Variants in DYSF observed in about 807,000 individuals in gnomAD.
The protein encoded by DYSF is dystrophy-associated fer-1-like 1.
A neutral mutation model predicts 274.9 loss-of-function variants in DYSF; 212 were observed. The observed-to-expected ratio is 0.77, with a 90% CI of 0.69 to 0.86. The LOEUF (loss-of-function observed/expected upper bound fraction) is 0.86. Ranked by LOEUF, DYSF falls within the 40% of genes least tolerant of loss-of-function variation. DYSF has a pLI of 0.00. For missense variants in DYSF, 2,666 were observed against 2,783.2 expected, an observed-to-expected ratio of 0.96 and a Z score of 0.95; for synonymous variants, 1,091 against 1,078.7, an observed-to-expected ratio of 1.01 and a Z score of -0.22.
At chr2:71,605,273 G>A (rs1009185936) in intron 36 of DYSF, among the ~76,000 whole-genome samples, 3 of 152,174 alleles carry the variant, frequency 2.0e-5, no homozygotes, top group African/African-American at 7.2e-5. Flanking sequence ...CTTTTTGTCT[G>A]GAGAACAAAG....
intron 13 of DYSF, among the ~76,000 whole-genome samples, chr2:71,526,887 C>T (rs1028233191): frequency 6.6e-6 from 1 of 152,272 alleles, no homozygotes; most frequent in African/African-American, 2.4e-5. Flanking sequence ...TCCAGGAAAC[C>T]CTGCAGTCTC....
intron 3 of DYSF, among the ~76,000 whole-genome samples, chr2:71,486,472 G>A (rs907955722): frequency 6.6e-6 from 1 of 151,782 alleles, no homozygotes; most frequent in South Asian, 2.1e-4. Flanking sequence ...CATCCTCACC[G>A]CCACTGTCCT....
At chr2:71,509,639 A>G (rs907221462) in intron 4 of DYSF, among the ~76,000 whole-genome samples, 1 of 151,878 alleles carries the variant, frequency 6.6e-6, no homozygotes, top group African/African-American at 2.4e-5. Flanking sequence ...GGGTATTTCT[A>G]TTTTATTCAA....
chr2:71,455,842 C>T (rs1010072057), intron 1 of DYSF, among the ~76,000 whole-genome samples: 3 of 152,140 alleles, frequency 2.0e-5, no homozygotes, highest in Non-Finnish European at 4.4e-5. Flanking sequence ...GATTTTCTTC[C>T]ACCTTCCCTG....
chr2:71,547,664 G>A (rs2090587856), intron 17 of DYSF, among the ~76,000 whole-genome samples: 1 of 152,198 alleles, frequency 6.6e-6, no homozygotes, highest in South Asian at 2.1e-4. Flanking sequence ...TAAAAAGAAA[G>A]AAAGAATGGG....
rs1379794329 is a variant in DYSF at position 71,601,493 on chromosome 2, C to T, written c.3898-6C>T. 1 of 1,614,098 alleles carries T rather than the reference C, an allele frequency of 6.2e-7. No individual in the cohort carries two copies. Among genetic ancestry groups the T allele is most frequent in the Admixed American group, 1.7e-5 (1 of 60,008 alleles). On this transcript the variant is annotated splice_region_variant and splice_polypyrimidine_tract_variant and intron_variant, in intron 34 of 55. Coordinates refer to ENST00000410020, the MANE Select transcript of DYSF (RefSeq NM_001130987.2). ...CATGACCAGAGCTCTCTTTTCTTCA[C>T]TCCAGCCGGCCATCCACCATATTCC...
chr2:71,662,848 ATGTG>A (rs569512865), intron 45 of DYSF, among the ~76,000 whole-genome samples: 7 of 75,514 alleles, frequency 9.3e-5, no homozygotes, highest in African/African-American at 2.5e-4. Flanking sequence ...ATGTGTGTGT[ATGTG>A]TGTGTGTCTG....
intron 51 of DYSF, among the ~76,000 whole-genome samples, chr2:71,672,731 T>A (rs2095150444): frequency 6.6e-6 from 1 of 152,072 alleles, no homozygotes; most frequent in Non-Finnish European, 1.5e-5. Flanking sequence ...GCCAGAGGAA[T>A]GGAGGCTGCT....
At chr2:71,472,403 A>G (rs1275813383) in intron 1 of DYSF, among the ~76,000 whole-genome samples, 6 of 152,174 alleles carry the variant, frequency 3.9e-5, no homozygotes, top group South Asian at 4.1e-4. Flanking sequence ...AATCTTTGAC[A>G]CTTTCTTTCT....
chr2:71,673,499 G>T (rs1179456281), intron 51 of DYSF, among the ~76,000 whole-genome samples: 2 of 152,192 alleles, frequency 1.3e-5, no homozygotes, highest in South Asian at 2.1e-4. Context: ...GTGAAGTTGG[G>T]TGGGGTGGAG....
At chr2:71,470,740 C>T (rs1487461002) in intron 1 of DYSF, among the ~76,000 whole-genome samples, 1 of 22,940 alleles carries the variant, frequency 4.4e-5, no homozygotes, top group Non-Finnish European at 7.9e-5. Flanking sequence ...TTCCTTCTTT[C>T]CTTCCTTCCT....
At position 71,480,877 on chromosome 2, in the gene DYSF, T is replaced by C; in HGVS notation, c.92-6T>C. The C allele has an allele frequency of 6.2e-7, 1 of 1,613,602 alleles. No homozygotes were observed. Among genetic ancestry groups the C allele is most frequent in the South Asian group, 1.1e-5 (1 of 91,072 alleles). On this transcript the variant is annotated splice_polypyrimidine_tract_variant and splice_region_variant and intron_variant, in intron 1 of 55. Transcript: ENST00000410020. ...CTCTCCATTCTCCCTTTTGTGTCTC[T>C]TGTAGGGGTGAAGAAGAGAACCAAA... is the stretch of plus-strand genomic sequence containing the variant.
chr2:71,553,752 A>AAACCCCCCCCCCCC, intron 20 of DYSF, 55 bp from the exon 21 acceptor site: 4 of 267,802 alleles, frequency 1.5e-5, no homozygotes, highest in Non-Finnish European at 2.7e-5. Context: ...TTAGCACCCC[A>AAACCCCCCCCCCCC]TCCCACCCGC....
intron 1 of DYSF, among the ~76,000 whole-genome samples, chr2:71,454,823 C>G (rs774195242): frequency 3.3e-5 from 5 of 152,142 alleles, no homozygotes; most frequent in Non-Finnish European, 7.4e-5. Flanking sequence ...TATGACTTGA[C>G]TTTTCCTCCA....
At chr2:71,512,070 C>T (rs1474260764) in intron 5 of DYSF, 149 bp downstream of exon 5, 14 of 625,630 alleles carry the variant, frequency 2.2e-5, no homozygotes, top group African/African-American at 3.7e-5. Context: ...GAAGAGGGTG[C>T]AGTGGGTGGG....
chr2:71,668,987 C>T (rs1354401375), intron 49 of DYSF, 125 bp from the exon 50 acceptor site: 7 of 1,293,396 alleles, frequency 5.4e-6, no homozygotes, highest in Non-Finnish European at 7.7e-6. Flanking sequence ...GGGCCTGGGC[C>T]AGTGTCCAGC....
intron 4 of DYSF, among the ~76,000 whole-genome samples, chr2:71,511,344 G>A (rs1392907295): frequency 6.6e-6 from 1 of 152,230 alleles, no homozygotes; most frequent in Non-Finnish European, 1.5e-5. Context: ...GTAGGGGCAA[G>A]CCATTGACTG....
At chr2:71,549,146 C>T (rs372601753) in intron 17 of DYSF, among the ~76,000 whole-genome samples, 141 of 152,188 alleles carry the variant, frequency 9.3e-4, no homozygotes, top group African/African-American at 2.8e-3. Flanking sequence ...TTGGGGGCTG[C>T]GTCTGGAGGG....
intron 1 of DYSF, among the ~76,000 whole-genome samples, chr2:71,470,339 T>C (rs1376783803): frequency 6.6e-6 from 1 of 152,006 alleles, no homozygotes; most frequent in Non-Finnish European, 1.5e-5. Flanking sequence ...CCCCGGACTC[T>C]CTGAACCTAG....
Sources: allele counts gnomAD v4.1 joint callset (sites outside exome capture counted in the v4.1 genomes callset), GRCh38; gene constraint gnomAD v4.1.1; transcripts MANE v1.5; gene names NCBI Gene and HGNC (gene_info 2026-07-23, HGNC 2026-07-21).